WDR70: variants seen among roughly 807,000 people sequenced by gnomAD.
WDR70 encodes the protein WD repeat-containing protein 70.
In WDR70, 53 loss-of-function variants were observed where a neutral mutation model predicts 88.6. The observed-to-expected ratio is 0.60, with a 90% CI of 0.48 to 0.75. WDR70 has a LOEUF of 0.75. WDR70 is among the 30% of genes least tolerant of loss of function. The probability of loss-of-function intolerance (pLI) is 0.00; values close to 1 mark genes in which losing one functional copy is unlikely to be tolerated. For synonymous variants in WDR70, 280 were observed against 270.0 expected, an observed-to-expected ratio of 1.04 and a Z score of -0.36; for missense variants, 610 against 823.2, an observed-to-expected ratio of 0.74 and a Z score of 3.17.
chr5:37,562,926 C>T (rs1269549886), intron 9 of WDR70, among the ~76,000 whole-genome samples: 2 of 151,166 alleles, frequency 1.3e-5, no homozygotes, highest in Non-Finnish European at 3.0e-5. Flanking sequence ...ACAAAACTGC[C>T]GTTGTCATCA....
chr5:37,396,845 A>G (rs1294802352), intron 5 of WDR70, among the ~76,000 whole-genome samples: 1 of 152,052 alleles, frequency 6.6e-6, no homozygotes, highest in East Asian at 1.9e-4. Context: ...CAAACAAAAA[A>G]CCAAACCGAG....
At chr5:37,417,540 G>GTT (rs35357658) in intron 5 of WDR70, among the ~76,000 whole-genome samples, 3 of 143,150 alleles carry the variant, frequency 2.1e-5, no homozygotes, top group African/African-American at 7.7e-5. Context: ...CCCCACCGAC[G>GTT]TTTTTTTTTT....
intron 5 of WDR70, among the ~76,000 whole-genome samples, chr5:37,402,329 T>TA (rs59326032): frequency 0.22 from 31,726 of 147,308 alleles, 3,782 homozygotes; most frequent in African/African-American, 0.3. Context: ...GTGTGTGTGT[T>TA]TTAAATTTTT....
At chr5:37,580,121 G>T (rs1743177338) in intron 9 of WDR70, among the ~76,000 whole-genome samples, 1 of 151,994 alleles carries the variant, frequency 6.6e-6, no homozygotes, top group Non-Finnish European at 1.5e-5. Context: ...AATATATGTT[G>T]CTTTATAATT....
chr5:37,535,850 C>G (rs1741650786), intron 9 of WDR70, among the ~76,000 whole-genome samples: 1 of 152,092 alleles, frequency 6.6e-6, no homozygotes, highest in Non-Finnish European at 1.5e-5. Context: ...CACATAATTC[C>G]AAGTGTTGCT....
intron 9 of WDR70, among the ~76,000 whole-genome samples, chr5:37,598,005 G>A (rs150234869): frequency 1.3e-5 from 2 of 152,158 alleles, no homozygotes; most frequent in East Asian, 3.9e-4. Flanking sequence ...GTAGTGTGAG[G>A]TATGACTCAA....
At chr5:37,548,010 G>A (rs1742043127) in intron 9 of WDR70, among the ~76,000 whole-genome samples, 1 of 152,138 alleles carries the variant, frequency 6.6e-6, no homozygotes, top group Non-Finnish European at 1.5e-5. Flanking sequence ...GTACTCCATT[G>A]TGTATGAGTA....
rs115942514 is a variant in WDR70 at position 37,480,326 on chromosome 5, T to G, written c.840+339T>G. Reference sequence around the variant, plus strand: ...CTCTGTCTTTTTCTCTTGCCACATGTCTAGTTTGGGTCTTTTCACAGTGTG... The same window carrying G: ...CTCTGTCTTTTTCTCTTGCCACATGGCTAGTTTGGGTCTTTTCACAGTGTG... On this transcript the variant is annotated intron_variant, in intron 8 of 17. Transcript: ENST00000265107. 2.2e-3 allele frequency among the ~76,000 whole-genome samples: 336 copies of G among 152,292 alleles called. 1 individual carries two copies. Among genetic ancestry groups the G allele is most frequent in the African/African-American group, 7.8e-3 (323 of 41,556 alleles).
chr5:37,476,532 TTTA>T (rs941585338), intron 7 of WDR70, among the ~76,000 whole-genome samples: 3 of 148,202 alleles, frequency 2.0e-5, no homozygotes, highest in African/African-American at 7.3e-5. Context: ...TCTACAATGT[TTTA>T]TTGTTTCTTT....
chr5:37,723,291 G>A, intron 15 of WDR70: 2 of 224,208 alleles, frequency 8.9e-6, no homozygotes, highest in Non-Finnish European at 1.8e-5. Context: ...CCACCACTGA[G>A]TGGCAATGTG....
intron 10 of WDR70, among the ~76,000 whole-genome samples, chr5:37,637,657 T>A (rs1407412933): frequency 6.6e-6 from 1 of 152,206 alleles, no homozygotes; most frequent in East Asian, 1.9e-4. Flanking sequence ...TATGTACGTA[T>A]ACATGACTCA....
chr5:37,673,404 T>C (rs1156383211), intron 10 of WDR70, among the ~76,000 whole-genome samples: 1 of 152,176 alleles, frequency 6.6e-6, no homozygotes, highest in Non-Finnish European at 1.5e-5. Context: ...GTCTATTCCT[T>C]TGGGCATATA....
intron 5 of WDR70, among the ~76,000 whole-genome samples, chr5:37,430,983 A>G (rs1412700810): frequency 1.3e-5 from 2 of 151,982 alleles, no homozygotes; most frequent in African/African-American, 4.8e-5. Flanking sequence ...CCTCCTGGGT[A>G]GCTGGGACTA....
intron 10 of WDR70, among the ~76,000 whole-genome samples, chr5:37,635,294 A>T (rs991224696): frequency 1.3e-5 from 2 of 152,174 alleles, no homozygotes; most frequent in African/African-American, 4.8e-5. Flanking sequence ...GATAAGGGTT[A>T]GGAGAGGATC....
At chr5:37,559,925 G>T (rs1331111494) in intron 9 of WDR70, among the ~76,000 whole-genome samples, 2 of 150,728 alleles carry the variant, frequency 1.3e-5, no homozygotes, top group East Asian at 3.9e-4. Context: ...TAAACTAATT[G>T]TTTTTCTTAT....
At chr5:37,637,039 G>A (rs371682647) in intron 10 of WDR70, among the ~76,000 whole-genome samples, 1 of 152,038 alleles carries the variant, frequency 6.6e-6, no homozygotes, top group East Asian at 1.9e-4. Flanking sequence ...GTCTAAAATT[G>A]TTTTAAAATG....
At chr5:37,412,618 A>G (rs1187900708) in intron 5 of WDR70, among the ~76,000 whole-genome samples, 1 of 152,120 alleles carries the variant, frequency 6.6e-6, no homozygotes, top group East Asian at 1.9e-4. Context: ...GCAGCTTTCT[A>G]GTTGTGAGCA....
intron 13 of WDR70, among the ~76,000 whole-genome samples, chr5:37,717,434 T>C (rs1581523698): frequency 6.6e-6 from 1 of 152,350 alleles, no homozygotes; most frequent in Non-Finnish European, 1.5e-5. Flanking sequence ...GGTCCTTTTA[T>C]TCAAATGTGC....
chr5:37,522,125 A>G (rs557515890), intron 9 of WDR70, among the ~76,000 whole-genome samples: 1 of 152,078 alleles, frequency 6.6e-6, no homozygotes, highest in East Asian at 1.9e-4. Context: ...ATCATTAGTG[A>G]TGGTGAGCAT....
Sources: allele counts gnomAD v4.1 joint callset (sites outside exome capture counted in the v4.1 genomes callset), GRCh38; gene constraint gnomAD v4.1.1; transcripts MANE v1.5; gene names NCBI Gene and HGNC (gene_info 2026-07-23, HGNC 2026-07-21).